The following HS6ST2 variants were observed in gnomAD, a reference collection of about 807,000 sequenced individuals.
HS6ST2 encodes the protein heparan-sulfate 6-O-sulfotransferase 2.
In HS6ST2, 17 loss-of-function variants were observed where a neutral mutation model predicts 33.0. That is an observed-to-expected ratio of 0.52 (90% CI 0.35 to 0.77). The LOEUF is 0.77. Ranked by LOEUF, HS6ST2 falls within the 30% of genes least tolerant of loss-of-function variation. The pLI is 0.01. For synonymous variants in HS6ST2, 248 were observed against 237.1 expected, an observed-to-expected ratio of 1.05 and a Z score of -0.42; for missense variants, 519 against 551.7, an observed-to-expected ratio of 0.94 and a Z score of 0.59.
chrX:132,637,878 AT>A lies in HS6ST2; in HGVS notation c.1068-8786del, dbSNP rs1185024679. Among the ~76,000 whole-genome samples the A allele has an allele frequency of 1.6e-3, 69 of 43,051 alleles. 6 individuals carry two copies. In the East Asian group the frequency reaches 0.039, roughly 25 times the overall value. 37.4% of individuals were successfully genotyped at this position (43,051 alleles called of 115,157 possible). On this transcript the variant is annotated intron_variant, in intron 4 of 4. Coordinates refer to ENST00000370833, the MANE Select transcript of HS6ST2 (RefSeq NM_001394073.1). Reference sequence around the variant, plus strand: ...ATATATATAATATATTATATATAATATATATATAATATTTTATATATAATAT... The same window carrying A: ...ATATATATAATATATTATATATAATAATATATAATATTTTATATATAATAT...
chrX:132,868,995 AT>A (rs58391917), intron 2 of HS6ST2, among the ~76,000 whole-genome samples: 74 of 104,322 alleles, frequency 7.1e-4, no homozygotes, highest in East Asian at 4.8e-3. Flanking sequence ...TCCAGGAGGT[AT>A]TTTTTTTTTA....
intron 2 of HS6ST2, among the ~76,000 whole-genome samples, chrX:132,836,401 G>A (rs931074645): frequency 1.8e-5 from 2 of 112,575 alleles, no homozygotes; most frequent in Admixed American, 9.4e-5. Flanking sequence ...ACTGGCAACA[G>A]GGCACCTTAA....
At chrX:132,748,543 C>T (rs1320241699) in intron 2 of HS6ST2, among the ~76,000 whole-genome samples, 2 of 111,968 alleles carry the variant, frequency 1.8e-5, no homozygotes, top group Admixed American at 1.9e-4. Context: ...TCTACGAATG[C>T]TGACCAGGAT....
chrX:132,765,881 T>C (rs1401763159), intron 2 of HS6ST2, among the ~76,000 whole-genome samples: 1 of 112,301 alleles, frequency 8.9e-6, no homozygotes, highest in African/African-American at 3.2e-5. Flanking sequence ...TATGTATTAT[T>C]CTCCTTTTTA....
rs3066707 is a variant in HS6ST2, at chrX:132,650,741, A to ATCTCTCTCTCTCTCTCTCTC, written c.1067+18352_1067+18371dup. 2.8e-3 allele frequency among the ~76,000 whole-genome samples: 243 copies of ATCTCTCTCTCTCTCTCTCTC among 87,378 alleles called. 2 individuals are homozygous for ATCTCTCTCTCTCTCTCTCTC. Among genetic ancestry groups the ATCTCTCTCTCTCTCTCTCTC allele is most frequent in the African/African-American group, 0.01 (228 of 22,184 alleles). 75.9% of individuals were successfully genotyped at this position (87,378 alleles called of 115,157 possible). ...TATGATTATTAAATCCATAGGAGGG[A>ATCTCTCTCTCTCTCTCTCTC]TCTCTCTCTCTCTCTCTCTCTCTCT... On this transcript the variant is annotated intron_variant, in intron 4 of 4. Transcript: ENST00000370833.
At chrX:132,910,509 A>C (rs1016358780) in intron 2 of HS6ST2, among the ~76,000 whole-genome samples, 3 of 112,099 alleles carry the variant, frequency 2.7e-5, no homozygotes, top group Non-Finnish European at 3.8e-5. Flanking sequence ...GATTTTCTTT[A>C]AGTCACTACT....
chrX:132,798,219 G>A (rs1275185408), intron 2 of HS6ST2, among the ~76,000 whole-genome samples: 6 of 110,257 alleles, frequency 5.4e-5, no homozygotes, highest in Non-Finnish European at 7.6e-5. Flanking sequence ...AACCTCAGAA[G>A]GATGCAGCAT....
chrX:132,918,241 A>G (rs2066614527), intron 2 of HS6ST2, among the ~76,000 whole-genome samples: 1 of 112,285 alleles, frequency 8.9e-6, no homozygotes, highest in Non-Finnish European at 1.9e-5. Flanking sequence ...GGCAATGAAC[A>G]TGTCACTCTC....
chrX:132,856,887 G>C lies in HS6ST2; in HGVS notation c.947+99921C>G, dbSNP rs187774496. Among the ~76,000 whole-genome samples, 7 of 111,943 alleles carry C rather than the reference G, an allele frequency of 6.3e-5. No individual in the cohort carries two copies. The East Asian group carries it at 2.0e-3, about 32-fold the overall frequency. ...CAAATAAAATTATGAGAGAAAAAAA[G>C]GCTCAATTTTGTCCTGAGTATTTAT... On this transcript the variant is annotated intron_variant, in intron 2 of 4. Transcript: ENST00000370833.
rs1304475870 is a variant in HS6ST2, at chrX:132,917,698, T to G, written c.947+39110A>C. Reference sequence around the variant, plus strand: ...GGATTTCAAGAAGTTAGAGCCACCTTTACATGGTTGGAAATGCTGTGTATC... The same window carrying G: ...GGATTTCAAGAAGTTAGAGCCACCTGTACATGGTTGGAAATGCTGTGTATC... On this transcript the variant is annotated intron_variant, in intron 2 of 4. Transcript: ENST00000370833. Among the ~76,000 whole-genome samples the G allele has an allele frequency of 2.7e-5, 3 of 112,051 alleles. No individual in the cohort carries two copies. In the East Asian group the frequency reaches 8.4e-4, roughly 32 times the overall value.
At chrX:132,793,436 T>G (rs776309921) in intron 2 of HS6ST2, among the ~76,000 whole-genome samples, 1 of 111,166 alleles carries the variant, frequency 9.0e-6, no homozygotes, top group Non-Finnish European at 1.9e-5. Flanking sequence ...TGTCCCTGAT[T>G]TCAGGTAGAA....
intron 2 of HS6ST2, among the ~76,000 whole-genome samples, chrX:132,762,205 G>A (rs1046165092): frequency 7.2e-5 from 8 of 111,362 alleles, no homozygotes; most frequent in African/African-American, 2.6e-4. Flanking sequence ...AAGTCAAATT[G>A]AATGTTCAAA....
intron 2 of HS6ST2, among the ~76,000 whole-genome samples, chrX:132,849,799 T>G (rs2065785165): frequency 8.9e-6 from 1 of 112,367 alleles, no homozygotes; most frequent in South Asian, 3.7e-4. Flanking sequence ...AGCTAGAAGA[T>G]AGCAGTGTTA....
At chrX:132,896,947 G>A (rs1471764388) in intron 2 of HS6ST2, among the ~76,000 whole-genome samples, 1 of 111,606 alleles carries the variant, frequency 9.0e-6, no homozygotes, top group East Asian at 2.8e-4. Flanking sequence ...CCAAATCCAA[G>A]GTAAATGCTG....
At chrX:132,763,109 C>T (rs1440467297) in intron 2 of HS6ST2, among the ~76,000 whole-genome samples, 1 of 111,812 alleles carries the variant, frequency 8.9e-6, no homozygotes, top group Non-Finnish European at 1.9e-5. Flanking sequence ...ATGTGTCCTG[C>T]AGTCATTAGC....
chrX:132,724,539 T>C (rs2064373897), intron 2 of HS6ST2, among the ~76,000 whole-genome samples: 1 of 111,676 alleles, frequency 9.0e-6, no homozygotes, highest in Non-Finnish European at 1.9e-5. Context: ...TCCATGTCCC[T>C]GGATTGGAAG....
chrX:132,756,464 C>T (rs1339584716), intron 2 of HS6ST2, among the ~76,000 whole-genome samples: 8 of 111,350 alleles, frequency 7.2e-5, no homozygotes, highest in Non-Finnish European at 1.3e-4. Flanking sequence ...TCATTGACTC[C>T]TTTGCCCTGA....
intron 2 of HS6ST2, among the ~76,000 whole-genome samples, chrX:132,930,000 A>T (rs1049009592): frequency 1.8e-5 from 2 of 111,328 alleles, no homozygotes; most frequent in Non-Finnish European, 3.8e-5. Flanking sequence ...TAGATATAGG[A>T]TGCTCCTTTG....
intron 2 of HS6ST2, among the ~76,000 whole-genome samples, chrX:132,734,008 T>TA (rs200799638): frequency 0.032 from 3,254 of 101,617 alleles, 95 homozygotes; most frequent in African/African-American, 0.086. Context: ...AGCAACAGTC[T>TA]AGGAATCTTA....
Sources: gnomAD v4.1 joint callset for allele counts (sites outside exome capture counted in the v4.1 genomes callset) on GRCh38, gnomAD v4.1.1 for gene constraint, MANE v1.5 for transcripts, NCBI Gene and HGNC (gene_info 2026-07-23, HGNC 2026-07-21) for gene names.